The following RNF207 variants were observed in gnomAD, a reference collection of about 807,000 sequenced individuals.
RNF207 encodes ring finger protein 207.
In RNF207, 72 loss-of-function variants were observed where a neutral mutation model predicts 79.0. That is an observed-to-expected ratio of 0.91 (90% CI 0.75 to 1.11). The LOEUF (loss-of-function observed/expected upper bound fraction) is 1.11, where lower values mean the gene tolerates loss of function less well. Among genes scored for constraint, RNF207 ranks in the 50% least tolerant of loss-of-function variants. The pLI, the probability that RNF207 is intolerant of heterozygous loss-of-function variation, is 0.00. For synonymous variants in RNF207, 348 were observed against 366.2 expected (o/e 0.95, Z 0.57); for missense variants, 936 against 855.8 (o/e 1.09, Z -1.17).
In RNF207 at chr1:6,210,915, C is replaced by T. The variant is rs1228766854; in HGVS notation, c.988C>T (p.Leu330=). 1.2e-6 allele frequency: 2 copies of T among 1,606,954 alleles called. No individual in the cohort carries two copies. Among genetic ancestry groups the T allele is most frequent in the East Asian group, 2.2e-5 (1 of 44,612 alleles). ...LQGIVTRPHH[L]RPIQSSKIAS... The stretch of plus-strand genomic sequence containing the variant: ...GGGCATCGTCACGCGGCCGCACCAC[C>T]TAAGGCCTATTCAGAGCAGCAAGGT... Residue 330 remains leucine (L), a synonymous_variant, in exon 11 of 18, where the codon CTA becomes TTA. Coordinates refer to ENST00000377939, the MANE Select transcript of RNF207 (RefSeq NM_207396.3).
Position 6,218,326 on chromosome 1 carries a change from C to T in RNF207, c.1690C>T (p.Gln564Ter). 6.2e-7 allele frequency: 1 copy of T among 1,614,068 alleles called. No individual in the cohort carries two copies. The highest frequency in any genetic ancestry group is 8.5e-7 in the Non-Finnish European group (1 of 1,179,934). The change falls in exon 17 of 18, where the codon CAG becomes TAG. Residue 564 changes from glutamine (Q) to a stop codon, truncating the protein, a stop_gained. Transcript: ENST00000377939. LOFTEE classifies it low-confidence loss of function (END_TRUNC). ...CGTGGATGAGCAGTCAGAGAGTCTA[C>T]AGAACACGCACGACGACAGCAGGAA... ...APVDEQSESLQNTHDDSRNNA... is the reference protein window; with the variant it reads ...APVDEQSESL
At chr1:6,209,841 G>C in intron 7 of RNF207, 83 bp from the exon 8 acceptor site, 1 of 1,416,778 alleles carries the variant, frequency 7.1e-7, no homozygotes, top group Non-Finnish European at 9.6e-7. Context: ...TAACCAGCAG[G>C]TGGCTGGGGT....
At position 6,209,538 on chromosome 1, in the gene RNF207, A is replaced by T. The variant is rs778009018; in HGVS notation, c.752A>T (p.Gln251Leu). 8.9e-6 allele frequency: 13 copies of T among 1,458,094 alleles called. No homozygotes were observed. The East Asian group carries it at 3.3e-4, about 37-fold the overall frequency. 90.3% of individuals were successfully genotyped at this position (1,458,094 alleles called of 1,614,324 possible). Residue 251 changes from glutamine to leucine, a missense_variant and splice_region_variant, in exon 7 of 18, where the codon CAG becomes CTG. Coordinates refer to ENST00000377939, the MANE Select transcript of RNF207 (RefSeq NM_207396.3). ...ATCCACGCCCTCTTCGGCAGCATGC[A>T]GGTGAGGGGTGGGGGTTGGGGGATA... ...DAIHALFGSM[Q>L]DRLAERKALL...
rs1366425623 is a variant in RNF207 at position 6,220,439 on chromosome 1, C to T, written c.*1032C>T. 1.3e-5 allele frequency: 2 copies of T among 152,226 alleles called. No individual in the cohort carries two copies. The highest frequency in any genetic ancestry group is 2.9e-5 in the Non-Finnish European group (2 of 68,048). 9.4% of individuals were successfully genotyped at this position (152,226 alleles called of 1,614,324 possible). A position where few individuals can be genotyped will look rare whatever the true frequency, so the allele number is the denominator to read the frequency against. ...GCACCTGCCCTATTGCAAAGGAATC[C>T]AGTTCCTCCGGAATAACAGTCCCAC... On this transcript the variant is annotated 3_prime_UTR_variant, in exon 18 of 18. Coordinates refer to ENST00000377939, the MANE Select transcript of RNF207 (RefSeq NM_207396.3).
Position 6,207,274 on chromosome 1 carries a change from C to T in RNF207, c.192-105C>T, listed in dbSNP as rs1331683223. ...GACCCCAGAGCTGTGGTGCACCCCA[C>T]CTCCCAACACAGCTATTTTTAGCTC... On this transcript the variant is annotated intron_variant, in intron 2 of 17. Coordinates refer to ENST00000377939, the MANE Select transcript of RNF207 (RefSeq NM_207396.3). The surrounding 1 kb of genome is among the most constrained non-coding windows in gnomAD (Gnocchi z 4.5). The T allele has an allele frequency of 6.6e-6, 8 of 1,203,516 alleles. No individual in the cohort carries two copies. The highest frequency in any genetic ancestry group is 9.1e-6 in the Non-Finnish European group (8 of 874,404). 74.6% of individuals were successfully genotyped at this position (1,203,516 alleles called of 1,614,324 possible).
intron 16 of RNF207, among the ~76,000 whole-genome samples, chr1:6,213,693 G>A (rs1668263966): frequency 6.6e-6 from 1 of 152,184 alleles, no homozygotes; most frequent in South Asian, 2.1e-4. Context: ...AAAGCAGAAG[G>A]CACTTTCTAA....
chr1:6,214,672 G>T (rs1668303148), intron 16 of RNF207, among the ~76,000 whole-genome samples: 1 of 96,852 alleles, frequency 1.0e-5, no homozygotes, highest in African/African-American at 4.3e-5. Flanking sequence ...GTCTCACTCT[G>T]TTACCAGGCT....
Position 6,209,108 on chromosome 1 carries a change from C to A in RNF207, c.470-7C>A. On this transcript the variant is annotated splice_polypyrimidine_tract_variant and splice_region_variant and intron_variant, in intron 4 of 17. Transcript: ENST00000377939. ...GGAGCCCTCACCACCGCCCGCCGCC[C>A]CCGCAGCGCTGCACGCAGAGCCCTA... is the stretch of plus-strand genomic sequence containing the variant. 1 of 1,551,564 alleles carries A rather than the reference C, an allele frequency of 6.4e-7. No individual in the cohort carries two copies. Among genetic ancestry groups the A allele is most frequent in the East Asian group, 2.4e-5 (1 of 41,102 alleles).
chr1:6,210,567 C>T (rs1011159950), intron 10 of RNF207, 129 bp downstream of exon 10: 1 of 692,600 alleles, frequency 1.4e-6, no homozygotes, highest in South Asian at 1.8e-5. Context: ...GGCTGACCCC[C>T]TCCCAACTCC....
Position 6,209,947 on chromosome 1 carries a change from G to A in RNF207, c.777G>A (p.Ala259=), listed in dbSNP as rs1183660836. The A allele has an allele frequency of 6.3e-6, 10 of 1,591,756 alleles. No homozygotes were observed. The highest frequency in any genetic ancestry group is 7.7e-6 in the Non-Finnish European group (9 of 1,168,976). Reference sequence around the variant, plus strand: ...AGGACAGGCTGGCAGAGAGGAAAGCGCTGCTGCTGCAGGCTGTGCAGAGGT... The same window carrying A: ...AGGACAGGCTGGCAGAGAGGAAAGCACTGCTGCTGCAGGCTGTGCAGAGGT... The part of the protein sequence containing the change: ...SMQDRLAERK[A]LLLQAVQSQY... The change falls in exon 8 of 18, where the codon GCG becomes GCA. Residue 259 remains alanine (A), a synonymous_variant. Transcript: ENST00000377939.
chr1:6,209,083 GGAGC>G, intron 4 of RNF207, 28 bp from the exon 5 acceptor site: 1 of 1,546,870 alleles, frequency 6.5e-7, no homozygotes, highest in Non-Finnish European at 8.7e-7. Flanking sequence ...GGCACTGACC[GGAGC>G]CCTCACCACC....
Position 6,212,698 on chromosome 1 carries a change from A to G in RNF207, c.1499A>G (p.Tyr500Cys). ...VVFQEIWEEA[Y>C]QRVANEQEIY... Reference sequence around the variant, plus strand: ...CTCTTTCAGATTTGGGAGGAAGCCTATCAGCGAGTGGCTAATGAGCAGGAG... The same window carrying G: ...CTCTTTCAGATTTGGGAGGAAGCCTGTCAGCGAGTGGCTAATGAGCAGGAG... Residue 500 changes from tyrosine to cysteine, a missense_variant, in exon 15 of 18, where the codon TAT (tyrosine) becomes TGT (cysteine). By Grantham distance (194) the Tyr-to-Cys change is radical (BLOSUM62 -2). Coordinates refer to ENST00000377939, the MANE Select transcript of RNF207 (RefSeq NM_207396.3). The G allele has an allele frequency of 1.9e-6, 3 of 1,613,944 alleles. No individual in the cohort carries two copies. The highest frequency in any genetic ancestry group is 2.2e-5 in the East Asian group (1 of 44,854).
chr1:6,207,865 A>G lies in RNF207; in HGVS notation c.324+354A>G, dbSNP rs1557582822. The G allele has an allele frequency of 2.2e-6, 1 of 449,194 alleles. No homozygotes were observed. The highest frequency in any genetic ancestry group is 1.8e-5 in the South Asian group (1 of 54,462). 27.8% of individuals were successfully genotyped at this position (449,194 alleles called of 1,614,324 possible). On this transcript the variant is annotated intron_variant, in intron 3 of 17. Coordinates refer to ENST00000377939, the MANE Select transcript of RNF207 (RefSeq NM_207396.3). The surrounding 1 kb of genome is among the most constrained non-coding windows in gnomAD (Gnocchi z 4.5). ...AGGGCCTCTGCTACCCAAGTGGCAT[A>G]GAAGCAGCTACAGCCCAGGGGAGGT...
At position 6,211,218 on chromosome 1, in the gene RNF207, C is replaced by T. The variant is rs1315333122; in HGVS notation, c.1109+100C>T. 7.7e-6 allele frequency: 6 copies of T among 781,986 alleles called. No individual in the cohort carries two copies. The highest frequency in any genetic ancestry group is 1.0e-5 in the Non-Finnish European group (5 of 488,084). The allele number at this position is 781,986 out of a possible 1,614,324, so 48.4% of individuals were successfully genotyped here. On this transcript the variant is annotated intron_variant, in intron 12 of 17. Transcript: ENST00000377939. The surrounding 1 kb of genome is among the most constrained non-coding windows in gnomAD (Gnocchi z 4.2). ...CAGATCGCCAGCAAGAAGCCAGGTG[C>T]CACCATTCCTTCCTCCGTCCTTAGC... is the stretch of plus-strand genomic sequence containing the variant.
Position 6,210,866 on chromosome 1 carries a change from A to T in RNF207, c.943-4A>T, listed in dbSNP as rs1191183247. ...CCGGCCTGAGGCCCTCCTCACTGCC[A>T]CAGGAGCTGATGGAGAGGCTGCAGG... On this transcript the variant is annotated splice_region_variant and splice_polypyrimidine_tract_variant and intron_variant, in intron 10 of 17. Coordinates refer to ENST00000377939, the MANE Select transcript of RNF207 (RefSeq NM_207396.3). 1 of 1,595,464 alleles carries T rather than the reference A, an allele frequency of 6.3e-7. No individual in the cohort carries two copies. The highest frequency in any genetic ancestry group is 2.3e-5 in the East Asian group (1 of 44,174).
At position 6,207,675 on chromosome 1, in the gene RNF207, G is replaced by C. The variant is rs1667968744; in HGVS notation, c.324+164G>C. The C allele has an allele frequency of 1.2e-6, 1 of 805,114 alleles. No homozygotes were observed. Among genetic ancestry groups the C allele is most frequent in the African/African-American group, 1.7e-5 (1 of 59,062 alleles). The allele number at this position is 805,114 out of a possible 1,614,324, so 49.9% of individuals were successfully genotyped here. On this transcript the variant is annotated intron_variant, in intron 3 of 17. Transcript: ENST00000377939. This position sits in a 1 kb window ranked among gnomAD's most constrained non-coding sequence, Gnocchi z 4.5. ...CCCAAATGTGAACCCCATTATACCG[G>C]TGGGGAGACTGAGGTCCAGAACAAG... is the stretch of plus-strand genomic sequence containing the variant.
At chr1:6,218,395 GTGTGC>G in intron 17 of RNF207, 26 bp downstream of exon 17, 2 of 1,544,054 alleles carry the variant, frequency 1.3e-6, no homozygotes, top group Non-Finnish European at 1.8e-6. Context: ...CCACTGGAGA[GTGTGC>G]ACGCGATGTG....
chr1:6,218,064 C>G lies in RNF207; in HGVS notation c.1653-225C>G, dbSNP rs375733296. Among the ~76,000 whole-genome samples the G allele has an allele frequency of 3.8e-4, 58 of 152,386 alleles. 1 individual carries two copies. The highest frequency in any genetic ancestry group is 3.4e-3 in the Middle Eastern group (1 of 294). ...CCCTCCCTCAGCGTGTCTGGCCCGACCAGCACGCAGCTTCCATGATGGCAG... is the reference window on the plus strand; with the variant it reads ...CCCTCCCTCAGCGTGTCTGGCCCGAGCAGCACGCAGCTTCCATGATGGCAG... On this transcript the variant is annotated intron_variant, in intron 16 of 17. Coordinates refer to ENST00000377939, the MANE Select transcript of RNF207 (RefSeq NM_207396.3).
Position 6,206,814 on chromosome 1 carries a change from GGA to G in RNF207, c.191+92_191+93del, listed in dbSNP as rs543956793. The G allele has an allele frequency of 1.9e-4, 206 of 1,105,468 alleles. No homozygotes were observed. The African/African-American group carries it at 2.9e-3, about 15-fold the overall frequency. 68.5% of individuals were successfully genotyped at this position (1,105,468 alleles called of 1,614,324 possible). The stretch of plus-strand genomic sequence containing the variant: ...TGCCCGAGCTGGGACCCAGGTGCCA[GGA>G]GAGTAAGGCTCCAACTTCAGGCAGA... On this transcript the variant is annotated intron_variant, in intron 2 of 17. Coordinates refer to ENST00000377939, the MANE Select transcript of RNF207 (RefSeq NM_207396.3).
Sources: allele counts gnomAD v4.1 joint callset (sites outside exome capture counted in the v4.1 genomes callset), GRCh38; gene constraint gnomAD v4.1.1; non-coding constraint Gnocchi (gnomAD v3.1); transcripts MANE v1.5; gene names NCBI Gene and HGNC (gene_info 2026-07-23, HGNC 2026-07-21).